The following PRDM10 variants were observed in gnomAD, a reference collection of about 807,000 sequenced individuals.
PRDM10 encodes the protein PR/SET domain 10.
Under a neutral mutation model 133.1 loss-of-function variants are expected in PRDM10, and 65 were observed. The ratio of observed to expected loss-of-function variants is 0.49; its 90% CI spans 0.40 to 0.60. The LOEUF (loss-of-function observed/expected upper bound fraction) is 0.60. PRDM10 is among the 20% of genes least tolerant of loss of function. PRDM10 has a pLI of 0.00. For synonymous variants in PRDM10, 582 were observed against 580.4 expected, an observed-to-expected ratio of 1.00 and a Z score of -0.04; for missense variants, 1,137 against 1,507.1, an observed-to-expected ratio of 0.75 and a Z score of 4.07.
chr11:129,961,061 G>A lies in PRDM10; in HGVS notation c.-97C>T. On this transcript the variant is annotated 5_prime_UTR_variant, in exon 2 of 21. Coordinates refer to ENST00000360871, the MANE Select transcript of PRDM10 (RefSeq NM_199437.2). ...ACCACACGTGTGTTCATGAAGGACG[G>A]AAAGGTCTGTCTGCAGCATGCCTGA... 1 of 1,083,408 alleles carries A rather than the reference G, an allele frequency of 9.2e-7. No homozygotes were observed. Among genetic ancestry groups the A allele is most frequent in the Non-Finnish European group, 1.4e-6 (1 of 730,840 alleles). 67.1% of individuals were successfully genotyped at this position (1,083,408 alleles called of 1,614,324 possible).
chr11:129,941,559 C>T (rs1000613041), intron 7 of PRDM10, among the ~76,000 whole-genome samples: 4 of 152,160 alleles, frequency 2.6e-5, no homozygotes, highest in Non-Finnish European at 4.4e-5. Flanking sequence ...GATATACACG[C>T]GTTCCTGTCA....
intron 1 of PRDM10, 139 bp from the exon 2 acceptor site, chr11:129,961,221 A>G (rs1185876198): frequency 6.2e-6 from 3 of 486,294 alleles, no homozygotes; most frequent in African/African-American, 6.0e-5. Context: ...AAATGAAGAC[A>G]TTATTTGTAA....
intron 1 of PRDM10, among the ~76,000 whole-genome samples, chr11:129,998,723 G>A (rs1565520148): frequency 6.6e-6 from 1 of 152,056 alleles, no homozygotes; most frequent in African/African-American, 2.4e-5. Context: ...TCTACACAAG[G>A]ATGGTCAATG....
chr11:129,935,114 C>T lies in PRDM10; in HGVS notation c.1144G>A (p.Asp382Asn), dbSNP rs766293460. The change falls in exon 9 of 21, where the codon GAT becomes AAT. Residue 382 changes from aspartate (D) to asparagine (N), a missense_variant. Asp to Asn is a conservative substitution (Grantham distance 23). Transcript: ENST00000360871. Reference protein sequence around the residue: ...QHLNSHDEKLDVFSRTRGRGR... With the variant: ...QHLNSHDEKLNVFSRTRGRGR... ...CCTCATACATACCTGCTAAACACATCTAGTTTCTCATCATGAGAATTGAGA... is the reference window on the plus strand; with the variant it reads ...CCTCATACATACCTGCTAAACACATTTAGTTTCTCATCATGAGAATTGAGA... 3.7e-6 allele frequency: 6 copies of T among 1,613,302 alleles called. No homozygotes were observed. Among genetic ancestry groups the T allele is most frequent in the Non-Finnish European group, 5.1e-6 (6 of 1,179,388 alleles).
rs755600909 is a variant in PRDM10 at position 129,944,926 on chromosome 11, G to A, written c.607C>T (p.Arg203Trp). 12 of 1,613,800 alleles carry A rather than the reference G, an allele frequency of 7.4e-6. No homozygotes were observed. Among genetic ancestry groups the A allele is most frequent in the Admixed American group, 3.3e-5 (2 of 59,868 alleles). The change falls in exon 6 of 21, where the codon CGG (arginine) becomes TGG (tryptophan). Residue 203 changes from arginine to tryptophan, a missense_variant. Transcript: ENST00000360871. ...ACCAGGGGGAGGCTCGCCCTGGCCC[G>A]GGTGAGCACCGGCCGGTTGGGGATC... is the stretch of plus-strand genomic sequence containing the variant. ...HPIPNRPVLT[R>W]ARASLPLVLY... is the part of the protein sequence containing the mutation.
chr11:129,909,143 T>A (rs1950103275), intron 19 of PRDM10, among the ~76,000 whole-genome samples: 1 of 151,908 alleles, frequency 6.6e-6, no homozygotes, highest in South Asian at 2.1e-4. Flanking sequence ...CAATGTGACG[T>A]CCAATGTTTA....
intron 1 of PRDM10, among the ~76,000 whole-genome samples, chr11:129,989,015 C>T (rs764008970): frequency 6.6e-5 from 10 of 152,132 alleles, no homozygotes; most frequent in Admixed American, 3.3e-4. Context: ...AGAGACAAGC[C>T]TCAAACAGTA....
chr11:129,944,646 A>G (rs1385378501), intron 6 of PRDM10, 125 bp downstream of exon 6: 2 of 1,378,840 alleles, frequency 1.5e-6, no homozygotes, highest in African/African-American at 2.9e-5. Context: ...AACCAAGTTA[A>G]GATAGAAAGA....
At chr11:129,957,699 G>A in intron 3 of PRDM10, 47 bp downstream of exon 3, 1 of 1,569,106 alleles carries the variant, frequency 6.4e-7, no homozygotes, top group Middle Eastern at 1.7e-4. Context: ...CAAGTAATTG[G>A]TTAATTAGTT....
At chr11:129,930,917 T>C (rs1198907374) in intron 11 of PRDM10, 99 bp downstream of exon 11, 1 of 1,471,024 alleles carries the variant, frequency 6.8e-7, no homozygotes, top group Non-Finnish European at 9.0e-7. Flanking sequence ...ATGCAAGATT[T>C]CAGAGAGGAA....
chr11:129,922,685 T>G (rs1169083164), intron 13 of PRDM10, among the ~76,000 whole-genome samples: 1 of 152,222 alleles, frequency 6.6e-6, no homozygotes, highest in East Asian at 1.9e-4. Flanking sequence ...TTTACATTTA[T>G]TTATTTAACT....
intron 1 of PRDM10, among the ~76,000 whole-genome samples, chr11:129,971,818 C>G (rs924559713): frequency 6.6e-6 from 1 of 152,262 alleles, no homozygotes; most frequent in Non-Finnish European, 1.5e-5. Flanking sequence ...CTGCCAGTCC[C>G]GTGCCGTGCG....
chr11:129,923,485 G>T lies in PRDM10; in HGVS notation c.1879-82C>A. ...AAAGGCAGCTTGTCAACGCTAGAGG[G>T]AGCCAAACGCATTACCATGGGTTTT... On this transcript the variant is annotated intron_variant, in intron 12 of 20. Transcript: ENST00000360871. This position sits in a 1 kb window ranked among gnomAD's most constrained non-coding sequence, Gnocchi z 4.4. 7.0e-7 allele frequency: 1 copy of T among 1,425,494 alleles called. No individual in the cohort carries two copies. The allele number at this position is 1,425,494 out of a possible 1,614,324, so 88.3% of individuals were successfully genotyped here.
Position 129,942,421 on chromosome 11 carries a change from T to C in PRDM10, c.966+5A>G, listed in dbSNP as rs1951242021. ...AATAGCAGCACGGGTCAGGCAGCAC[T>C]GTACCTTCAGTTCCTGCTTGGGCTC... On this transcript the variant is annotated splice_donor_5th_base_variant and intron_variant, in intron 7 of 20. Transcript: ENST00000360871. 6.2e-7 allele frequency: 1 copy of C among 1,613,118 alleles called. No individual in the cohort carries two copies. Among genetic ancestry groups the C allele is most frequent in the African/African-American group, 1.3e-5 (1 of 74,862 alleles).
intron 1 of PRDM10, among the ~76,000 whole-genome samples, chr11:129,984,616 T>C (rs1027849680): frequency 2.0e-5 from 3 of 151,966 alleles, no homozygotes; most frequent in African/African-American, 7.2e-5. Context: ...ACAGCTCTCA[T>C]CCTCCCTGAC....
chr11:129,918,988 A>T lies in PRDM10; in HGVS notation c.2035-270T>A, dbSNP rs1052191792. The stretch of plus-strand genomic sequence containing the variant: ...CGACTTTTGAGAATAAAGACTGTGC[A>T]TTTATGTAGAGGAGATTAAAGAGAA... On this transcript the variant is annotated intron_variant, in intron 13 of 20. Transcript: ENST00000360871. This position sits in a 1 kb window ranked among gnomAD's most constrained non-coding sequence, Gnocchi z 5.3. Among the ~76,000 whole-genome samples, 2 of 152,196 alleles carry T rather than the reference A, an allele frequency of 1.3e-5. No individual in the cohort carries two copies. The highest frequency in any genetic ancestry group is 4.8e-5 in the African/African-American group (2 of 41,450).
chr11:129,977,489 G>A (rs1417969834), intron 1 of PRDM10, among the ~76,000 whole-genome samples: 2 of 152,078 alleles, frequency 1.3e-5, no homozygotes, highest in Admixed American at 1.3e-4. Flanking sequence ...TCACCATGTT[G>A]GCCAGGATGG....
chr11:129,987,402 G>A (rs903815483), intron 1 of PRDM10, among the ~76,000 whole-genome samples: 3 of 152,174 alleles, frequency 2.0e-5, no homozygotes, highest in Non-Finnish European at 4.4e-5. Context: ...GGGTAAGGAT[G>A]AGGAGAAACT....
intron 1 of PRDM10, among the ~76,000 whole-genome samples, chr11:129,966,468 T>C (rs2135936954): frequency 6.6e-6 from 1 of 152,332 alleles, no homozygotes; most frequent in East Asian, 1.9e-4. Context: ...ATGTGTGATC[T>C]CACTTCGAAT....
Sources: gnomAD v4.1 joint callset for allele counts (sites outside exome capture counted in the v4.1 genomes callset) on GRCh38, gnomAD v4.1.1 for gene constraint, Gnocchi (gnomAD v3.1) non-coding constraint, MANE v1.5 for transcripts, NCBI Gene and HGNC (gene_info 2026-07-23, HGNC 2026-07-21) for gene names.